The following DNAJC10 variants were observed in gnomAD, a reference collection of about 807,000 sequenced individuals.
DNAJC10 encodes the protein DnaJ heat shock protein family (Hsp40) member C10.
DNAJC10 carries 101 observed loss-of-function variants against 115.0 expected under a neutral mutation model. That is an observed-to-expected ratio of 0.88 (90% CI 0.75 to 1.04). The LOEUF (loss-of-function observed/expected upper bound fraction) is 1.04. Among genes scored for constraint, DNAJC10 ranks in the 50% least tolerant of loss-of-function variants. The pLI is 0.00. For missense variants in DNAJC10, 981 were observed against 928.8 expected, an observed-to-expected ratio of 1.06 and a Z score of -0.73; for synonymous variants, 307 against 301.5, an observed-to-expected ratio of 1.02 and a Z score of -0.19.
intron 3 of DNAJC10, among the ~76,000 whole-genome samples, chr2:182,718,822 T>G (rs1693066862): frequency 6.6e-6 from 1 of 152,198 alleles, no homozygotes; most frequent in Admixed American, 6.5e-5. Context: ...TATGTACACA[T>G]TAATGTAAAT....
At chr2:182,736,451 T>C in intron 11 of DNAJC10, 65 bp downstream of exon 11, 3 of 1,212,916 alleles carry the variant, frequency 2.5e-6, no homozygotes, top group Non-Finnish European at 3.3e-6. Context: ...AATAATACAT[T>C]ATTTTTGTAA....
rs5836849 is a variant in DNAJC10, at chr2:182,775,071, C to CT, written c.2266-227dup. Among the ~76,000 whole-genome samples the CT allele has an allele frequency of 2.5e-3, 323 of 129,348 alleles. 1 individual carries two copies. Among genetic ancestry groups the CT allele is most frequent in the East Asian group, 4.6e-3 (21 of 4,534 alleles). 84.9% of individuals were successfully genotyped at this position (129,348 alleles called of 152,430 possible). A position where few individuals can be genotyped will look rare whatever the true frequency, so the allele number is the denominator to read the frequency against. ...TTTGAGGCTTTTGGAGTCAGTGATG[C>CT]TTTTTTTTTTTTTTTTTTAACAATT... is the stretch of plus-strand genomic sequence containing the variant. On this transcript the variant is annotated intron_variant, in intron 22 of 23. Coordinates refer to ENST00000264065, the MANE Select transcript of DNAJC10 (RefSeq NM_018981.4).
intron 22 of DNAJC10, among the ~76,000 whole-genome samples, chr2:182,769,720 G>C (rs1255620494): frequency 6.6e-6 from 1 of 151,954 alleles, no homozygotes; most frequent in Non-Finnish European, 1.5e-5. Context: ...CTGGATATTA[G>C]CCCTTTGTCA....
chr2:182,760,072 G>T (rs1400104886), intron 21 of DNAJC10, among the ~76,000 whole-genome samples: 1 of 152,150 alleles, frequency 6.6e-6, no homozygotes, highest in Non-Finnish European at 1.5e-5. Context: ...TCAGGTGTCT[G>T]ATATGAGCTC....
chr2:182,742,752 C>T (rs1693768267), intron 13 of DNAJC10, among the ~76,000 whole-genome samples: 2 of 152,086 alleles, frequency 1.3e-5, no homozygotes, highest in African/African-American at 2.4e-5. Context: ...TGATTATTAA[C>T]AAATCATAAT....
intron 11 of DNAJC10, 139 bp from the exon 12 acceptor site, chr2:182,740,160 A>G (rs1693695267): frequency 8.5e-7 from 1 of 1,174,530 alleles, no homozygotes; most frequent in Admixed American, 4.3e-5. Flanking sequence ...GAAAAAAGAC[A>G]TTTGGAATTG....
chr2:182,728,309 T>C (rs572211703), intron 5 of DNAJC10, among the ~76,000 whole-genome samples: 2 of 152,338 alleles, frequency 1.3e-5, no homozygotes, highest in African/African-American at 4.8e-5. Flanking sequence ...GGCTGCTTCT[T>C]TTTCAAGTAT....
At chr2:182,768,190 A>G (rs1694465935) in intron 22 of DNAJC10, among the ~76,000 whole-genome samples, 1 of 152,150 alleles carries the variant, frequency 6.6e-6, no homozygotes, top group African/African-American at 2.4e-5. Flanking sequence ...AGAACAATCT[A>G]GAGCAAGCAG....
intron 22 of DNAJC10, among the ~76,000 whole-genome samples, chr2:182,765,394 A>G (rs1407024730): frequency 6.6e-6 from 1 of 152,154 alleles, no homozygotes; most frequent in Non-Finnish European, 1.5e-5. Context: ...TAATAACATT[A>G]AAAACGGGGA....
At chr2:182,754,362 C>T (rs1694103678) in intron 16 of DNAJC10, among the ~76,000 whole-genome samples, 1 of 152,124 alleles carries the variant, frequency 6.6e-6, no homozygotes, top group Non-Finnish European at 1.5e-5. Context: ...AATCCACAGA[C>T]AAGGATCTCT....
rs1278788009 is a variant in DNAJC10, at chr2:182,782,220, T to A, written c.*5088T>A. The A allele has an allele frequency of 6.6e-6, 1 of 152,262 alleles. No individual in the cohort carries two copies. The highest frequency in any genetic ancestry group is 1.5e-5 in the Non-Finnish European group (1 of 68,070). The allele number at this position is 152,262 out of a possible 1,614,324, so 9.4% of individuals were successfully genotyped here. A position where few individuals can be genotyped will look rare whatever the true frequency, so the allele number is the denominator to read the frequency against. ...AAATAGGGAATCCTTTCCCCATTGCTTGTTTTTGTCAGGTTTGTCAAAGAT... is the reference window on the plus strand; with the variant it reads ...AAATAGGGAATCCTTTCCCCATTGCATGTTTTTGTCAGGTTTGTCAAAGAT... On this transcript the variant is annotated 3_prime_UTR_variant, in exon 24 of 24. Transcript: ENST00000264065.
chr2:182,730,914 C>T, intron 8 of DNAJC10, 116 bp from the exon 9 acceptor site: 1 of 632,998 alleles, frequency 1.6e-6, no homozygotes, highest in Non-Finnish European at 2.7e-6. Context: ...ACTGGTAAAA[C>T]TCAGAGTGGA....
At chr2:182,766,062 C>A (rs527275225) in intron 22 of DNAJC10, among the ~76,000 whole-genome samples, 131 of 152,274 alleles carry the variant, frequency 8.6e-4, no homozygotes, top group African/African-American at 3.0e-3. Flanking sequence ...TAGCATTAGG[C>A]ACCAGACCTT....
rs973145649 is a variant in DNAJC10, at chr2:182,792,994, G to A, written c.*15862G>A. On this transcript the variant is annotated 3_prime_UTR_variant, in exon 24 of 24. Coordinates refer to ENST00000264065, the MANE Select transcript of DNAJC10 (RefSeq NM_018981.4). ...GAAATAAAGAAAAAGGTAGACCAGG[G>A]TATGAGGGATTAGGAGTGTGGGGGC... The A allele has an allele frequency of 6.6e-6, 1 of 152,226 alleles. No individual in the cohort carries two copies. Among genetic ancestry groups the A allele is most frequent in the African/African-American group, 2.4e-5 (1 of 41,432 alleles). The allele number at this position is 152,226 out of a possible 1,614,324, so 9.4% of individuals were successfully genotyped here.
chr2:182,770,295 C>T (rs917748683), intron 22 of DNAJC10, among the ~76,000 whole-genome samples: 14 of 152,162 alleles, frequency 9.2e-5, no homozygotes, highest in Non-Finnish European at 1.8e-4. Context: ...CTTGGCAATA[C>T]GGGCTCTTTT....
intron 20 of DNAJC10, 81 bp from the exon 21 acceptor site, chr2:182,759,079 G>C: frequency 7.9e-7 from 1 of 1,273,844 alleles, no homozygotes; most frequent in Non-Finnish European, 1.1e-6. Flanking sequence ...TTTTAACTTA[G>C]AAAGTATTAC....
intron 13 of DNAJC10, 142 bp from the exon 14 acceptor site, chr2:182,743,454 TTC>T (rs1270496308): frequency 4.9e-6 from 3 of 606,266 alleles, no homozygotes; most frequent in Non-Finnish European, 8.7e-6. Flanking sequence ...AATGAATTAT[TTC>T]TGTCTCTTAT....
At position 182,771,088 on chromosome 2, in the gene DNAJC10, GT is replaced by G. The variant is rs1306199393; in HGVS notation, c.2266-4225del. 3.3e-5 allele frequency among the ~76,000 whole-genome samples: 5 copies of G among 152,218 alleles called. No individual in the cohort carries two copies. In the East Asian group the frequency reaches 9.7e-4, roughly 29 times the overall value. ...TCATGTAGTTTTTGTCTTTGGTTCT[GT>G]TTATGTGAAGGATTACATTTATTGA... On this transcript the variant is annotated intron_variant, in intron 22 of 23. Coordinates refer to ENST00000264065, the MANE Select transcript of DNAJC10 (RefSeq NM_018981.4).
intron 22 of DNAJC10, 110 bp from the exon 23 acceptor site, chr2:182,775,206 T>G: frequency 4.2e-6 from 3 of 721,322 alleles, no homozygotes; most frequent in Non-Finnish European, 6.9e-6. Context: ...TTTCAAACAC[T>G]TCAAGTTTTG....
Sources: allele counts gnomAD v4.1 joint callset (sites outside exome capture counted in the v4.1 genomes callset), GRCh38; gene constraint gnomAD v4.1.1; transcripts MANE v1.5; gene names NCBI Gene and HGNC (gene_info 2026-07-23, HGNC 2026-07-21).